Variants in PPHLN1 observed in about 807,000 individuals in gnomAD.
PPHLN1 encodes the protein periphilin 1.
PPHLN1 carries 29 observed loss-of-function variants against 51.3 expected under a neutral mutation model. The observed-to-expected ratio is 0.57, with a 90% CI of 0.42 to 0.77. The LOEUF (loss-of-function observed/expected upper bound fraction) is 0.77. Ranked by LOEUF, PPHLN1 falls within the 30% of genes least tolerant of loss-of-function variation. The probability of loss-of-function intolerance (pLI) is 0.00; values close to 1 mark genes in which losing one functional copy is unlikely to be tolerated. For missense variants in PPHLN1, 436 were observed against 438.4 expected (o/e 0.99, Z 0.05); for synonymous variants, 147 against 147.8 (o/e 0.99, Z 0.04).
At chr12:42,377,115 T>A (rs1207273322) in intron 5 of PPHLN1, among the ~76,000 whole-genome samples, 1 of 150,432 alleles carries the variant, frequency 6.6e-6, no homozygotes, top group Non-Finnish European at 1.5e-5. Flanking sequence ...TTTTTTTTTT[T>A]AAGCTTACCA....
intron 2 of PPHLN1, among the ~76,000 whole-genome samples, chr12:42,347,527 C>T (rs1305501705): frequency 6.6e-6 from 1 of 152,176 alleles, no homozygotes; most frequent in Non-Finnish European, 1.5e-5. Context: ...TGCCTGTAAT[C>T]CCAGCACTTT....
chr12:42,343,020 A>G (rs7965743), intron 2 of PPHLN1, among the ~76,000 whole-genome samples: 93,042 of 152,092 alleles, frequency 0.61, 28,663 homozygotes, highest in Admixed American at 0.67. Context: ...CTGAGCCTTT[A>G]TAGGGAATAG....
In PPHLN1 at chr12:42,378,152, C is replaced by CTTT. The variant is rs1415401404; in HGVS notation, c.511+3078_511+3079insTTT. Among the ~76,000 whole-genome samples the CTTT allele has an allele frequency of 9.8e-5, 10 of 101,816 alleles. No homozygotes were observed. In the East Asian group the frequency reaches 1.7e-3, roughly 17 times the overall value. 66.8% of individuals were successfully genotyped at this position (101,816 alleles called of 152,430 possible). ...TCTTTCTTTCTTTCTTTCTTTCTTT[C>CTTT]AAGTTATTTAGCTTTGAAAGTAAAG... On this transcript the variant is annotated intron_variant, in intron 5 of 9. Transcript: ENST00000358314.
At chr12:42,387,683 C>T (rs2077305536) in intron 7 of PPHLN1, 148 bp downstream of exon 7, 2 of 965,424 alleles carry the variant, frequency 2.1e-6, no homozygotes, top group Non-Finnish European at 2.9e-6. Context: ...TGTGGTGGCT[C>T]ATGCCTGTAA....
chr12:42,442,808 G>C, downstream of PPHLN1: 3 of 1,607,542 alleles, frequency 1.9e-6, no homozygotes, highest in Non-Finnish European at 2.5e-6. Context: ...GTTTCATCAT[G>C]GGACAACAGC....
chr12:42,331,009 A>G (rs779630638), intron 1 of PPHLN1, among the ~76,000 whole-genome samples: 28 of 152,192 alleles, frequency 1.8e-4, no homozygotes, highest in Non-Finnish European at 2.1e-4. Context: ...GTGCCCAGCC[A>G]TGGTACAGAT....
intron 4 of PPHLN1, among the ~76,000 whole-genome samples, chr12:42,363,811 A>G (rs2074975166): frequency 6.6e-6 from 1 of 152,228 alleles, no homozygotes; most frequent in Non-Finnish European, 1.5e-5. Context: ...AATTCAGAAT[A>G]TATCAGGATT....
chr12:42,341,703 G>A lies in PPHLN1; in HGVS notation c.72+5729G>A, dbSNP rs528213690. 1.2e-4 allele frequency among the ~76,000 whole-genome samples: 18 copies of A among 152,124 alleles called. No homozygotes were observed. The South Asian group carries it at 2.9e-3, about 25-fold the overall frequency. Reference sequence around the variant, plus strand: ...AGCGGGCGATCTCGGCTCACTGCAAGCTCCGCCTCCCGGGTTCACGCCATT... The same window carrying A: ...AGCGGGCGATCTCGGCTCACTGCAAACTCCGCCTCCCGGGTTCACGCCATT... On this transcript the variant is annotated intron_variant, in intron 2 of 9. Transcript: ENST00000358314.
At chr12:42,350,239 T>C in intron 2 of PPHLN1, 1 of 157,340 alleles carries the variant, frequency 6.4e-6, no homozygotes, top group Non-Finnish European at 1.4e-5. Context: ...GCTCCTCACC[T>C]CCCAGACGGG....
chr12:42,382,026 T>C (rs938603199), intron 5 of PPHLN1, among the ~76,000 whole-genome samples: 1 of 152,226 alleles, frequency 6.6e-6, no homozygotes, highest in East Asian at 1.9e-4. Flanking sequence ...TGTCCTTTTT[T>C]TCCTACCTGG....
intron 9 of PPHLN1, among the ~76,000 whole-genome samples, chr12:42,413,756 T>C: frequency 1.3e-5 from 2 of 151,988 alleles, no homozygotes; most frequent in Non-Finnish European, 2.9e-5. Context: ...GAGACGAGGT[T>C]TCAGCCATGT....
At chr12:42,334,167 C>T (rs1259303932) in intron 1 of PPHLN1, among the ~76,000 whole-genome samples, 1 of 152,170 alleles carries the variant, frequency 6.6e-6, no homozygotes, top group Non-Finnish European at 1.5e-5. Flanking sequence ...ACTTCCCTTT[C>T]AAGCTTCCAT....
chr12:42,336,045 G>A, intron 2 of PPHLN1, 71 bp downstream of exon 2: 2 of 978,922 alleles, frequency 2.0e-6, no homozygotes, highest in East Asian at 2.8e-5. Flanking sequence ...CCAAAGCTAG[G>A]CCTATTAACA....
At chr12:42,440,725 G>A (rs2082868311) in intron 9 of PPHLN1, among the ~76,000 whole-genome samples, 1 of 152,162 alleles carries the variant, frequency 6.6e-6, no homozygotes, top group Admixed American at 6.5e-5. Flanking sequence ...TTACAGACAC[G>A]CGCCACCGCG....
chr12:42,350,780 CG>C (rs1565790355), intron 2 of PPHLN1, among the ~76,000 whole-genome samples: 2 of 152,086 alleles, frequency 1.3e-5, no homozygotes. Context: ...CCGGCCAACA[CG>C]GCGAAACCCC....
In PPHLN1 at chr12:42,356,555, G is replaced by A. The variant is rs1323526196; in HGVS notation, c.299+1333G>A. ...CTGTTCAGTGTCAGTGGATAGTTAG[G>A]TCTTGGAATTTGGCATACATGGCAA... On this transcript the variant is annotated intron_variant, in intron 4 of 9. Transcript: ENST00000358314. Among the ~76,000 whole-genome samples, 5 of 152,272 alleles carry A rather than the reference G, an allele frequency of 3.3e-5. No homozygotes were observed. In the South Asian group the frequency reaches 1.0e-3, roughly 32 times the overall value.
rs143264127 is a variant in PPHLN1 at position 42,351,961 on chromosome 12, A to G, written c.149A>G (p.Asn50Ser). The change falls in exon 3 of 10, where the codon AAT (asparagine) becomes AGT (serine). Residue 50 changes from asparagine (N) to serine (S), a missense_variant. Transcript: ENST00000358314. ...GACAGACCTGGTGAAGGAAGCTACAATAGATATTACAGTCATGTTGATTAC... is the reference window on the plus strand; with the variant it reads ...GACAGACCTGGTGAAGGAAGCTACAGTAGATATTACAGTCATGTTGATTAC... ...LLDRPGEGSY[N>S]RYYSHVDYRD... 9.5e-6 allele frequency: 15 copies of G among 1,585,946 alleles called. No homozygotes were observed. In the East Asian group the frequency reaches 3.0e-4, roughly 32 times the overall value.
intron 5 of PPHLN1, among the ~76,000 whole-genome samples, chr12:42,379,049 A>C (rs2076543040): frequency 1.3e-5 from 2 of 151,868 alleles, no homozygotes; most frequent in Non-Finnish European, 2.9e-5. Flanking sequence ...TTTTCACTTG[A>C]AGTTTATTTT....
At chr12:42,379,925 G>A (rs1347714930) in intron 5 of PPHLN1, among the ~76,000 whole-genome samples, 1 of 151,998 alleles carries the variant, frequency 6.6e-6, no homozygotes, top group Non-Finnish European at 1.5e-5. Flanking sequence ...GAAACCTCTA[G>A]AGATCTGTTA....
Sources: gnomAD v4.1 joint callset for allele counts (sites outside exome capture counted in the v4.1 genomes callset) on GRCh38, gnomAD v4.1.1 for gene constraint, MANE v1.5 for transcripts, NCBI Gene and HGNC (gene_info 2026-07-23, HGNC 2026-07-21) for gene names.